The following FNDC9 variants were observed in gnomAD, a reference collection of about 807,000 sequenced individuals.
FNDC9 encodes the protein fibronectin type III domain containing 9.
In FNDC9, 3 loss-of-function variants were observed where a neutral mutation model predicts 9.0. The observed-to-expected ratio is 0.33, with a 90% confidence interval of 0.15 to 0.86. FNDC9 has a LOEUF of 0.86. FNDC9 is among the 40% of genes least tolerant of loss of function. The pLI is 0.53. For synonymous variants in FNDC9, 114 were observed against 115.6 expected (o/e 0.99, Z 0.09); for missense variants, 279 against 287.2 (o/e 0.97, Z 0.21).
chr5:157,345,087 A>T (rs1021943629), intron 1 of FNDC9, among the ~76,000 whole-genome samples: 1 of 152,274 alleles, frequency 6.6e-6, no homozygotes, highest in Non-Finnish European at 1.5e-5. Flanking sequence ...AGGGAAGGTC[A>T]TCATGAAGGA....
intron 1 of FNDC9, 59 bp downstream of exon 1, chr5:157,345,482 A>T (rs1330416040): frequency 1.3e-5 from 2 of 152,586 alleles, no homozygotes; most frequent in Non-Finnish European, 1.5e-5. Flanking sequence ...GCCCTTCTCC[A>T]AGCAGAGTGT....
chr5:157,342,887 G>C lies in FNDC9; in HGVS notation c.650C>G (p.Ala217Gly). Residue 217 changes from alanine (A) to glycine (G), a missense_variant, in exon 2 of 2, where the codon GCT becomes GGT. Transcript: ENST00000312349. Reference protein sequence around the residue: ...ALQRGGGDPPAILPHCGE With the variant: ...ALQRGGGDPPGILPHCGE ...TCATTCCCCACAATGAGGCAGTATA[G>C]CGGGTGGGTCACCACCCCCCCTCTG... The C allele has an allele frequency of 2.5e-6, 4 of 1,613,620 alleles. No homozygotes were observed. The highest frequency in any genetic ancestry group is 3.4e-6 in the Non-Finnish European group (4 of 1,179,776).
In FNDC9 at chr5:157,343,070, T is replaced by A; in HGVS notation, c.467A>T (p.Asn156Ile). The A allele has an allele frequency of 6.2e-7, 1 of 1,614,198 alleles. No homozygotes were observed. The change falls in exon 2 of 2, where the codon AAT becomes ATT. Residue 156 changes from asparagine (N) to isoleucine (I), a missense_variant. Physicochemically the swap from Asn to Ile is moderately radical, Grantham distance 149 (BLOSUM62 -3). Coordinates refer to ENST00000312349, the MANE Select transcript of FNDC9 (RefSeq NM_001001343.4). ...SYRAGHMEEA[N>I]GLVRWPEEAP... is the part of the protein sequence containing the mutation. ...CTCCTCTGGCCATCTCACCAACCCA[T>A]TGGCCTCCTCCATGTGGCCAGCCCT...
chr5:157,342,863 C>A lies in FNDC9; in HGVS notation c.674G>T (p.Ter225LeuextTer12), dbSNP rs995325867. Reference sequence around the variant, plus strand: ...ATGCGGGCGCTCTCCTCCCCACTCTCATTCCCCACAATGAGGCAGTATAGC... The same window carrying A: ...ATGCGGGCGCTCTCCTCCCCACTCTAATTCCCCACAATGAGGCAGTATAGC... ...PPAILPHCGE[*>L] Residue 225 changes from the stop codon to leucine, a stop_lost, in exon 2 of 2, where the codon TGA becomes TTA. Coordinates refer to ENST00000312349, the MANE Select transcript of FNDC9 (RefSeq NM_001001343.4). 6.8e-6 allele frequency: 11 copies of A among 1,608,988 alleles called. No homozygotes were observed. Among genetic ancestry groups the A allele is most frequent in the South Asian group, 2.2e-5 (2 of 90,422 alleles).
chr5:157,343,609 G>A (rs1203856622), intron 1 of FNDC9, 66 bp from the exon 2 acceptor site: 1 of 1,280,898 alleles, frequency 7.8e-7, no homozygotes, highest in African/African-American at 1.5e-5. Flanking sequence ...CATAATCATA[G>A]CCACCATTTA....
chr5:157,343,761 C>G (rs10077326), intron 1 of FNDC9, among the ~76,000 whole-genome samples: 34,331 of 151,908 alleles, frequency 0.23, 4,390 homozygotes, highest in African/African-American at 0.34. Flanking sequence ...AAAGTTCAGG[C>G]CTAAGAACAG....
In FNDC9 at chr5:157,341,664, C is replaced by T; in HGVS notation, c.*1198G>A. 1 of 158,114 alleles carries T rather than the reference C, an allele frequency of 6.3e-6. No homozygotes were observed. Among genetic ancestry groups the T allele is most frequent in the Non-Finnish European group, 1.4e-5 (1 of 71,510 alleles). 9.8% of individuals were successfully genotyped at this position (158,114 alleles called of 1,614,324 possible). ...TGGGGGCAAAAGTCTGGGTGCCGAG[C>T]AGGGAATGCATGAGGTAGGCAAGGG... On this transcript the variant is annotated 3_prime_UTR_variant, in exon 2 of 2. Coordinates refer to ENST00000312349, the MANE Select transcript of FNDC9 (RefSeq NM_001001343.4).
rs1233679257 is a variant in FNDC9, at chr5:157,343,527, C to T, written c.10G>A (p.Glu4Lys). The part of the protein sequence containing the change: MNI[E>K]VGNISYTGAI... ...CCTGTATAAGAAATGTTCCCCACCT[C>T]GATGTTCATCCCGATTCTGGAACCA... Residue 4 changes from glutamate (E) to lysine (K), a missense_variant, in exon 2 of 2, where the codon GAG becomes AAG. By Grantham distance (56) the Glu-to-Lys change is moderately conservative. Coordinates refer to ENST00000312349, the MANE Select transcript of FNDC9 (RefSeq NM_001001343.4). 2.6e-6 allele frequency: 4 copies of T among 1,557,472 alleles called. No homozygotes were observed. The highest frequency in any genetic ancestry group is 1.2e-5 in the South Asian group (1 of 83,772).
At chr5:157,344,398 C>T (rs1762527969) in intron 1 of FNDC9, among the ~76,000 whole-genome samples, 1 of 152,154 alleles carries the variant, frequency 6.6e-6, no homozygotes, top group Admixed American at 6.6e-5. Flanking sequence ...CCTGATGTCA[C>T]ACCGCTAATA....
Position 157,343,270 on chromosome 5 carries a change from G to A in FNDC9, c.267C>T (p.Cys89=), listed in dbSNP as rs771254244. 6.2e-7 allele frequency: 1 copy of A among 1,614,200 alleles called. No individual in the cohort carries two copies. Among genetic ancestry groups the A allele is most frequent in the Non-Finnish European group, 8.5e-7 (1 of 1,180,018 alleles). The change falls in exon 2 of 2, where the codon TGC becomes TGT. Residue 89 remains cysteine (C), a synonymous_variant. Coordinates refer to ENST00000312349, the MANE Select transcript of FNDC9 (RefSeq NM_001001343.4). ...TCTTATCCAGGGTGTGGAACATGGT[G>A]CAGTAGTGCCTGTAAGGGAAGGCAG... ...KKAAFPYRHY[C]TMFHTLDKSP... is the part of the protein sequence containing the mutation.
intron 1 of FNDC9, among the ~76,000 whole-genome samples, chr5:157,345,174 A>G (rs1456039855): frequency 6.6e-6 from 1 of 152,128 alleles, no homozygotes; most frequent in South Asian, 2.1e-4. Flanking sequence ...CTATAAATAC[A>G]CTTTCGACCA....
intron 1 of FNDC9, among the ~76,000 whole-genome samples, chr5:157,343,920 T>A (rs1309306741): frequency 6.6e-6 from 1 of 152,106 alleles, no homozygotes; most frequent in Non-Finnish European, 1.5e-5. Context: ...GGCTCCACCT[T>A]TATTCTCAGG....
Position 157,343,185 on chromosome 5 carries a change from C to T in FNDC9, c.352G>A (p.Ala118Thr). ...DPQISLWVLM[A>T]ILLACFTAVL... ...GCTGTGAAGCAGGCCAGCAGAATGG[C>T]CATCAGCACCCAAAGGGAGATCTGG... Residue 118 changes from alanine (A) to threonine (T), a missense_variant, in exon 2 of 2, where the codon GCC becomes ACC. Ala to Thr is a moderately conservative substitution (Grantham distance 58). Coordinates refer to ENST00000312349, the MANE Select transcript of FNDC9 (RefSeq NM_001001343.4). The T allele has an allele frequency of 6.2e-7, 1 of 1,614,180 alleles. No individual in the cohort carries two copies. Among genetic ancestry groups the T allele is most frequent in the South Asian group, 1.1e-5 (1 of 91,084 alleles).
chr5:157,343,432 G>A lies in FNDC9; in HGVS notation c.105C>T (p.Asn35=), dbSNP rs553969639. 6 of 1,614,180 alleles carry A rather than the reference G, an allele frequency of 3.7e-6. No homozygotes were observed. The highest frequency in any genetic ancestry group is 1.7e-5 in the Admixed American group (1 of 60,024). The stretch of plus-strand genomic sequence containing the variant: ...GATAGCCAGAGAAGATGCTGTTCCA[G>A]TTGGGCCTGTACATAATATGGTAAT... ...EDYYHIMYRP[N]WNSIFSGYLR... is the part of the protein sequence containing the mutation. The change falls in exon 2 of 2, where the codon AAC becomes AAT. Residue 35 remains asparagine (N), a synonymous_variant. Coordinates refer to ENST00000312349, the MANE Select transcript of FNDC9 (RefSeq NM_001001343.4).
intron 1 of FNDC9, among the ~76,000 whole-genome samples, chr5:157,344,195 A>C (rs1490879993): frequency 6.6e-6 from 1 of 152,212 alleles, no homozygotes; most frequent in Non-Finnish European, 1.5e-5. Context: ...GGTGAAGATA[A>C]TCAGCCCCTA....
intron 1 of FNDC9, among the ~76,000 whole-genome samples, chr5:157,345,094 A>G (rs1320049355): frequency 6.6e-6 from 1 of 152,230 alleles, no homozygotes; most frequent in Non-Finnish European, 1.5e-5. Flanking sequence ...GTCATCATGA[A>G]GGAGACCGAA....
At chr5:157,345,295 A>G (rs1487060716) in intron 1 of FNDC9, 1 of 152,450 alleles carries the variant, frequency 6.6e-6, no homozygotes, top group Non-Finnish European at 1.5e-5. Flanking sequence ...TTGGCTTCCT[A>G]TCTGCCACTA....
chr5:157,342,709 C>T lies in FNDC9; in HGVS notation c.*153G>A. 1.4e-6 allele frequency: 1 copy of T among 727,488 alleles called. No individual in the cohort carries two copies. The highest frequency in any genetic ancestry group is 2.7e-5 in the East Asian group (1 of 36,384). The allele number at this position is 727,488 out of a possible 1,614,324, so 45.1% of individuals were successfully genotyped here. A position where few individuals can be genotyped will look rare whatever the true frequency, so the allele number is the denominator to read the frequency against. ...GGGATACATTTTCCAGCTTGAGAAG[C>T]TTTGTCATGGGGCATTCATCCAACC... On this transcript the variant is annotated 3_prime_UTR_variant, in exon 2 of 2. Coordinates refer to ENST00000312349, the MANE Select transcript of FNDC9 (RefSeq NM_001001343.4).
Position 157,344,740 on chromosome 5 carries a change from T to C in FNDC9, c.-8+801A>G, listed in dbSNP as rs555123046. 2.0e-5 allele frequency among the ~76,000 whole-genome samples: 3 copies of C among 152,280 alleles called. No individual in the cohort carries two copies. In the East Asian group the frequency reaches 5.8e-4, roughly 29 times the overall value. The stretch of plus-strand genomic sequence containing the variant: ...CTCTCCTCCCTCACATGAAACCCCG[T>C]AGGTTTCATTTTGGGTTGCAGTGAC... On this transcript the variant is annotated intron_variant, in intron 1 of 1. Coordinates refer to ENST00000312349, the MANE Select transcript of FNDC9 (RefSeq NM_001001343.4).
Sources: gnomAD v4.1 joint callset for allele counts (sites outside exome capture counted in the v4.1 genomes callset) on GRCh38, gnomAD v4.1.1 for gene constraint, MANE v1.5 for transcripts, NCBI Gene and HGNC (gene_info 2026-07-23, HGNC 2026-07-21) for gene names.